The following CFAP53 variants were observed in gnomAD, a reference collection of about 807,000 sequenced individuals.
The protein encoded by CFAP53 is cilia and flagella associated protein 53.
CFAP53 carries 62 observed loss-of-function variants against 59.7 expected under a neutral mutation model. The ratio of observed to expected loss-of-function variants is 1.04; its 90% CI spans 0.85 to 1.28. The LOEUF (loss-of-function observed/expected upper bound fraction) is 1.28. Among genes scored for constraint, CFAP53 ranks in the 50% most tolerant of loss-of-function variants. CFAP53 has a pLI of 0.00. For missense variants in CFAP53, 629 were observed against 615.6 expected, an observed-to-expected ratio of 1.02 and a Z score of -0.23; for synonymous variants, 218 against 205.7, an observed-to-expected ratio of 1.06 and a Z score of -0.51.
chr18:50,227,666 T>G, intron 7 of CFAP53, 57 bp from the exon 8 acceptor site: 1 of 1,252,784 alleles, frequency 8.0e-7, no homozygotes, highest in Non-Finnish European at 1.2e-6. Flanking sequence ...TTAGATTTAT[T>G]CAGAGCATTA....
At position 50,236,705 on chromosome 18, in the gene CFAP53, G is replaced by C. The variant is rs115083850; in HGVS notation, c.1316+1898C>G. Among the ~76,000 whole-genome samples, 897 of 152,304 alleles carry C rather than the reference G, an allele frequency of 5.9e-3. 6 individuals are homozygous for C. Among genetic ancestry groups the C allele is most frequent in the African/African-American group, 0.02 (841 of 41,546 alleles). Reference sequence around the variant, plus strand: ...AGTCAGCATACACTGCCAGCTATATGAGTAGGTGTCCTAGGTTGAGCCTTC... The same window carrying C: ...AGTCAGCATACACTGCCAGCTATATCAGTAGGTGTCCTAGGTTGAGCCTTC... On this transcript the variant is annotated intron_variant, in intron 7 of 7. Coordinates refer to ENST00000398545, the MANE Select transcript of CFAP53 (RefSeq NM_145020.5).
intron 5 of CFAP53, among the ~76,000 whole-genome samples, chr18:50,246,169 C>T (rs755521875): frequency 1.4e-4 from 21 of 152,330 alleles, no homozygotes; most frequent in Non-Finnish European, 2.2e-4. Context: ...GGATTACAGG[C>T]GTGAGCCACT....
At chr18:50,240,145 T>TCTGCCCCACCCTGACTCATTCAAATTAC (rs2033675430) in intron 6 of CFAP53, among the ~76,000 whole-genome samples, 2 of 145,322 alleles carry the variant, frequency 1.4e-5, no homozygotes, top group African/African-American at 5.2e-5. Context: ...ATTCTGATCA[T>TCTGCCCCACCCTGACTCATTCAAATTAC]CTGCCCCACC....
chr18:50,257,667 T>G (rs2033857692), intron 3 of CFAP53, among the ~76,000 whole-genome samples: 1 of 152,188 alleles, frequency 6.6e-6, no homozygotes, highest in African/African-American at 2.4e-5. Flanking sequence ...ATCAATATTA[T>G]TAAAACTTCT....
chr18:50,262,107 C>G lies in CFAP53; in HGVS notation c.182G>C (p.Arg61Pro). The G allele has an allele frequency of 6.2e-7, 1 of 1,614,170 alleles. No homozygotes were observed. The change falls in exon 2 of 8, where the codon CGC becomes CCC. Residue 61 changes from arginine to proline, a missense_variant. Coordinates refer to ENST00000398545, the MANE Select transcript of CFAP53 (RefSeq NM_145020.5). ...LASIKSSERD[R>P]LKAEWDQHND... ...GTGCTGGTCCCACTCAGCTTTCAAGCGATCCCGCTCACTTGACTTAATGGA... is the reference window on the plus strand; with the variant it reads ...GTGCTGGTCCCACTCAGCTTTCAAGGGATCCCGCTCACTTGACTTAATGGA...
intron 2 of CFAP53, 34 bp downstream of exon 2, chr18:50,261,956 T>G (rs1029255777): frequency 1.7e-5 from 26 of 1,544,286 alleles, no homozygotes; most frequent in Non-Finnish European, 2.3e-5. Flanking sequence ...TTAGGAATAT[T>G]TCATGGTTTA....
chr18:50,227,255 T>C lies in CFAP53; in HGVS notation c.*126A>G, dbSNP rs939931804. 19 of 716,594 alleles carry C rather than the reference T, an allele frequency of 2.7e-5. No homozygotes were observed. Among genetic ancestry groups the C allele is most frequent in the Non-Finnish European group, 4.3e-5 (19 of 438,750 alleles). 44.4% of individuals were successfully genotyped at this position (716,594 alleles called of 1,614,324 possible). On this transcript the variant is annotated 3_prime_UTR_variant, in exon 8 of 8. Coordinates refer to ENST00000398545, the MANE Select transcript of CFAP53 (RefSeq NM_145020.5). ...AGGTTTATTCAAAGGAAGAAAATTATGTTCAATTAATTACACAAACTCAGG... is the reference window on the plus strand; with the variant it reads ...AGGTTTATTCAAAGGAAGAAAATTACGTTCAATTAATTACACAAACTCAGG...
At chr18:50,237,351 T>TAAATATAC (rs67836600) in intron 7 of CFAP53, among the ~76,000 whole-genome samples, 1 of 16,314 alleles carries the variant, frequency 6.1e-5, no homozygotes, top group African/African-American at 1.7e-4. Flanking sequence ...TATATATATA[T>TAAATATAC]ACGCACACAT....
chr18:50,240,054 T>A (rs931268559), intron 6 of CFAP53, among the ~76,000 whole-genome samples: 3 of 152,228 alleles, frequency 2.0e-5, no homozygotes, highest in Non-Finnish European at 2.9e-5. Context: ...GTGACCTTTT[T>A]TGATCAACTG....
intron 6 of CFAP53, among the ~76,000 whole-genome samples, chr18:50,240,264 C>A (rs980803656): frequency 2.0e-5 from 3 of 152,162 alleles, no homozygotes; most frequent in Middle Eastern, 3.4e-3. Flanking sequence ...TCACCTACCC[C>A]ACCCTGATTC....
At chr18:50,227,760 A>C in intron 7 of CFAP53, 151 bp from the exon 8 acceptor site, 1 of 624,586 alleles carries the variant, frequency 1.6e-6, no homozygotes, top group Admixed American at 2.9e-5. Context: ...AAAACTCAAT[A>C]ATGGGTTTCT....
At position 50,258,198 on chromosome 18, in the gene CFAP53, G is replaced by A. The variant is rs942984303; in HGVS notation, c.473+2866C>T. Among the ~76,000 whole-genome samples, 6 of 152,072 alleles carry A rather than the reference G, an allele frequency of 3.9e-5. No homozygotes were observed. In the East Asian group the frequency reaches 5.8e-4, roughly 15 times the overall value. On this transcript the variant is annotated intron_variant, in intron 3 of 7. Coordinates refer to ENST00000398545, the MANE Select transcript of CFAP53 (RefSeq NM_145020.5). ...TGGAGGAATCACATTACCTAACTTCGAATTATACTACAGAGCTATAGTACC... is the reference window on the plus strand; with the variant it reads ...TGGAGGAATCACATTACCTAACTTCAAATTATACTACAGAGCTATAGTACC...
intron 3 of CFAP53, among the ~76,000 whole-genome samples, chr18:50,252,924 G>C (rs753715555): frequency 6.6e-6 from 1 of 152,208 alleles, no homozygotes; most frequent in Non-Finnish European, 1.5e-5. Flanking sequence ...ACTGAGGCAA[G>C]AAGACCACTT....
At chr18:50,233,627 G>A (rs2033603004) in intron 7 of CFAP53, among the ~76,000 whole-genome samples, 1 of 152,112 alleles carries the variant, frequency 6.6e-6, no homozygotes, top group Non-Finnish European at 1.5e-5. Flanking sequence ...ACTACATATT[G>A]TCATTTTCCT....
In CFAP53 at chr18:50,261,103, C is replaced by T; in HGVS notation, c.434G>A (p.Arg145Lys). ...KLLKEKNEKE[R>K]QDFVAEKLDQ... ...TAGCTTTTCAGCCACAAAATCCTGCCTCTCTTTTTCATTCTTCTCTTTTAG... is the reference window on the plus strand; with the variant it reads ...TAGCTTTTCAGCCACAAAATCCTGCTTCTCTTTTTCATTCTTCTCTTTTAG... Residue 145 changes from arginine to lysine, a missense_variant, in exon 3 of 8, where the codon AGG becomes AAG. Arg to Lys is a conservative substitution (Grantham distance 26, BLOSUM62 2). Transcript: ENST00000398545. 6.3e-7 allele frequency: 1 copy of T among 1,599,420 alleles called. No individual in the cohort carries two copies. The highest frequency in any genetic ancestry group is 8.5e-7 in the Non-Finnish European group (1 of 1,176,340).
chr18:50,243,142 T>C, intron 5 of CFAP53, 26 bp from the exon 6 acceptor site: 1 of 1,567,120 alleles, frequency 6.4e-7, no homozygotes, highest in Non-Finnish European at 8.7e-7. Context: ...ATTCATATTG[T>C]TAAAATTTTT....
intron 5 of CFAP53, among the ~76,000 whole-genome samples, chr18:50,245,903 G>A (rs576536472): frequency 6.6e-6 from 1 of 152,138 alleles, no homozygotes; most frequent in South Asian, 2.1e-4. Flanking sequence ...CCAGGTTGGA[G>A]TGCAATGGTG....
chr18:50,238,496 C>G (rs1345232391), intron 7 of CFAP53, 107 bp downstream of exon 7: 4 of 659,826 alleles, frequency 6.1e-6, no homozygotes, highest in Non-Finnish European at 1.0e-5. Context: ...AAGCAATCCT[C>G]TTTCCTCAGC....
chr18:50,229,928 G>C (rs1273815361), intron 7 of CFAP53, among the ~76,000 whole-genome samples: 1 of 151,512 alleles, frequency 6.6e-6, no homozygotes, highest in Non-Finnish European at 1.5e-5. Flanking sequence ...TTTTGTTGTT[G>C]TTGTATTTTT....
Sources: gnomAD v4.1 joint callset for allele counts (sites outside exome capture counted in the v4.1 genomes callset) on GRCh38, gnomAD v4.1.1 for gene constraint, MANE v1.5 for transcripts, NCBI Gene and HGNC (gene_info 2026-07-23, HGNC 2026-07-21) for gene names.